The following NOX4 variants were observed in gnomAD, a reference collection of about 807,000 sequenced individuals.
The protein encoded by NOX4 is NADPH oxidase 4.
NOX4 carries 69 observed loss-of-function variants against 87.6 expected under a neutral mutation model. That is an observed-to-expected ratio of 0.79 (90% CI 0.65 to 0.96). NOX4 has a LOEUF of 0.96. Among genes scored for constraint, NOX4 ranks in the 40% least tolerant of loss-of-function variants. NOX4 has a pLI of 0.00. For synonymous variants in NOX4, 275 were observed against 238.2 expected (o/e 1.15, Z -1.42); for missense variants, 680 against 681.5 (o/e 1.00, Z 0.02).
At chr11:89,356,577 C>T (rs1165306850) in intron 12 of NOX4, among the ~76,000 whole-genome samples, 2 of 151,956 alleles carry the variant, frequency 1.3e-5, no homozygotes, top group African/African-American at 4.8e-5. Flanking sequence ...CTTCCTTGAT[C>T]CCTCCATTAC....
the NOX4 span, among the ~76,000 whole-genome samples, chr11:89,554,572 T>A: frequency 6.6e-6 from 1 of 152,118 alleles, no homozygotes; most frequent in African/African-American, 2.4e-5. Flanking sequence ...TAAATAGATA[T>A]TCAGGTATAG....
intron 2 of NOX4, among the ~76,000 whole-genome samples, chr11:89,470,298 T>A (rs528978710): frequency 2.8e-4 from 42 of 152,236 alleles, no homozygotes; most frequent in Admixed American, 2.6e-3. Flanking sequence ...AGGCTGCCTT[T>A]CCAGCCACAG....
At chr11:89,480,322 C>A (rs541196065) in intron 2 of NOX4, among the ~76,000 whole-genome samples, 35 of 152,202 alleles carry the variant, frequency 2.3e-4, no homozygotes, top group African/African-American at 7.9e-4. Context: ...AATGTCATGG[C>A]ACCATGACTG....
chr11:89,460,395 T>A (rs927243705), intron 2 of NOX4, among the ~76,000 whole-genome samples: 4 of 151,998 alleles, frequency 2.6e-5, no homozygotes, highest in Admixed American at 1.3e-4. Flanking sequence ...TGGGAGAAAA[T>A]TTTTGCATTC....
chr11:89,561,658 A>G, the NOX4 span, among the ~76,000 whole-genome samples: 1 of 152,086 alleles, frequency 6.6e-6, no homozygotes, highest in Non-Finnish European at 1.5e-5. Context: ...TTCAACAAAT[A>G]TCACCTAGGC....
chr11:89,423,948 T>C (rs995113924), intron 7 of NOX4, among the ~76,000 whole-genome samples: 1 of 151,986 alleles, frequency 6.6e-6, no homozygotes, highest in African/African-American at 2.4e-5. Context: ...GTGTTCGTGA[T>C]CCTAGCTACT....
chr11:89,331,553 G>C (rs904429875), intron 17 of NOX4, among the ~76,000 whole-genome samples: 24 of 151,708 alleles, frequency 1.6e-4, no homozygotes, highest in Non-Finnish European at 1.8e-4. Flanking sequence ...AATGAAAAGA[G>C]AATTGAGTCA....
chr11:89,418,919 T>A (rs2135253711), intron 8 of NOX4, among the ~76,000 whole-genome samples: 1 of 152,140 alleles, frequency 6.6e-6, no homozygotes, highest in South Asian at 2.1e-4. Flanking sequence ...TCTGCTTAGG[T>A]AGAAAAACCA....
chr11:89,407,667 T>C (rs1475595363), intron 8 of NOX4, among the ~76,000 whole-genome samples: 1 of 152,038 alleles, frequency 6.6e-6, no homozygotes, highest in Non-Finnish European at 1.5e-5. Context: ...TCTGTTTGTT[T>C]CTTTCTTTTT....
At position 89,490,551 on chromosome 11, in the gene NOX4, G is replaced by A; in HGVS notation, c.60C>T (p.Phe20=). Residue 20 remains phenylalanine (F), a splice_region_variant and synonymous_variant, in exon 2 of 18, where the codon TTC becomes TTT. Coordinates refer to ENST00000263317, the MANE Select transcript of NOX4 (RefSeq NM_016931.5). ...GCAGGACATTCATGGAGAGCCAGAT[G>A]AACTAAACCAATCAGACATGAGAGA... ...ANEGVKHLCL[F]IWLSMNVLLF... The A allele has an allele frequency of 6.2e-7, 1 of 1,612,506 alleles. No homozygotes were observed. The highest frequency in any genetic ancestry group is 1.1e-5 in the South Asian group (1 of 91,028).
At chr11:89,494,994 G>T (rs1470617283), upstream of NOX4, among the ~76,000 whole-genome samples, 1 of 152,190 alleles carries the variant, frequency 6.6e-6, no homozygotes, top group Admixed American at 6.5e-5. Context: ...CCAAGCTGGA[G>T]TGGAGTGGTG....
chr11:89,378,311 TA>T (rs1027624036), intron 11 of NOX4, among the ~76,000 whole-genome samples: 2 of 152,206 alleles, frequency 1.3e-5, no homozygotes, highest in African/African-American at 2.4e-5. Context: ...CCTACTCATT[TA>T]GAGTGACTTC....
chr11:89,524,845 G>A, the NOX4 span, among the ~76,000 whole-genome samples: 2 of 151,848 alleles, frequency 1.3e-5, no homozygotes, highest in East Asian at 3.9e-4. Flanking sequence ...ATTTCCCTGT[G>A]CTATTTCCAA....
the NOX4 span, among the ~76,000 whole-genome samples, chr11:89,565,327 A>C: frequency 6.6e-6 from 1 of 152,196 alleles, no homozygotes; most frequent in South Asian, 2.1e-4. Context: ...TTATACATAA[A>C]GTTTTGATGT....
At chr11:89,416,635 C>G (rs1942791642) in intron 8 of NOX4, among the ~76,000 whole-genome samples, 1 of 152,166 alleles carries the variant, frequency 6.6e-6, no homozygotes, top group Non-Finnish European at 1.5e-5. Flanking sequence ...TGAGTCTAAA[C>G]TCCTGTGATG....
intron 13 of NOX4, among the ~76,000 whole-genome samples, chr11:89,342,586 A>G (rs78378788): frequency 0.073 from 11,046 of 152,148 alleles, 528 homozygotes; most frequent in Admixed American, 0.14. Context: ...TTCAATAAAC[A>G]TTTTTTCAAT....
chr11:89,540,994 T>C, the NOX4 span, among the ~76,000 whole-genome samples: 1 of 152,010 alleles, frequency 6.6e-6, no homozygotes, highest in African/African-American at 2.4e-5. Flanking sequence ...CAAAGTACTT[T>C]ACATTTTTCT....
chr11:89,500,970 G>T (rs139160470), upstream of NOX4, among the ~76,000 whole-genome samples: 2 of 152,038 alleles, frequency 1.3e-5, no homozygotes, highest in African/African-American at 4.8e-5. Flanking sequence ...TAGGGGGCAG[G>T]TAGAAAGGAC....
chr11:89,519,430 A>G, the NOX4 span, among the ~76,000 whole-genome samples: 1 of 152,102 alleles, frequency 6.6e-6, no homozygotes, highest in African/African-American at 2.4e-5. Context: ...ATGCAGGTAA[A>G]TGAGGTACTG....
Sources: allele counts gnomAD v4.1 joint callset (sites outside exome capture counted in the v4.1 genomes callset), GRCh38; gene constraint gnomAD v4.1.1; transcripts MANE v1.5; gene names NCBI Gene and HGNC (gene_info 2026-07-23, HGNC 2026-07-21).